The following XRRA1 variants were observed in gnomAD, a reference collection of about 807,000 sequenced individuals.
The protein encoded by XRRA1 is X-ray radiation resistance-associated protein 1.
A neutral mutation model predicts 80.2 loss-of-function variants in XRRA1; 69 were observed. The ratio of observed to expected loss-of-function variants is 0.86; its 90% confidence interval spans 0.71 to 1.05. XRRA1 has a LOEUF of 1.05. XRRA1 is among the 50% of genes least tolerant of loss of function. The pLI is 0.00. For synonymous variants in XRRA1, 348 were observed against 389.9 expected, an observed-to-expected ratio of 0.89 and a Z score of 1.27; for missense variants, 967 against 976.4, an observed-to-expected ratio of 0.99 and a Z score of 0.13.
intron 7 of XRRA1, among the ~76,000 whole-genome samples, chr11:74,925,132 T>G (rs1346081261): frequency 6.6e-6 from 1 of 152,176 alleles, no homozygotes; most frequent in East Asian, 1.9e-4. Flanking sequence ...GCTACAGAAT[T>G]TCAGAGCTGA....
intron 14 of XRRA1, 89 bp downstream of exon 14, chr11:74,850,999 G>T: frequency 1.1e-6 from 1 of 916,448 alleles, no homozygotes; most frequent in Non-Finnish European, 1.6e-6. Flanking sequence ...GCACTGTGGA[G>T]TGAGCAGCTC....
intron 2 of XRRA1, among the ~76,000 whole-genome samples, chr11:74,943,028 G>C (rs1222860488): frequency 6.6e-6 from 1 of 152,194 alleles, no homozygotes; most frequent in East Asian, 1.9e-4. Context: ...CTCCTTCAGG[G>C]ACAGTTGTGA....
intron 10 of XRRA1, among the ~76,000 whole-genome samples, chr11:74,864,739 C>T (rs766281750): frequency 1.3e-4 from 20 of 152,196 alleles, no homozygotes; most frequent in Admixed American, 6.5e-5. Context: ...TGAAAGTTGC[C>T]GTTTTTCTGA....
At chr11:74,882,300 A>C (rs1388257123) in intron 10 of XRRA1, among the ~76,000 whole-genome samples, 1 of 151,564 alleles carries the variant, frequency 6.6e-6, no homozygotes, top group Non-Finnish European at 1.5e-5. Context: ...AGTTGATTGC[A>C]TCGGCTCCTG....
At chr11:74,894,973 A>G (rs766308511) in intron 10 of XRRA1, among the ~76,000 whole-genome samples, 3 of 152,222 alleles carry the variant, frequency 2.0e-5, no homozygotes, top group Non-Finnish European at 4.4e-5. Flanking sequence ...ATTAAAACAA[A>G]TATCAGTAAC....
chr11:74,918,908 G>A (rs1939739996), intron 8 of XRRA1: 1 of 152,274 alleles, frequency 6.6e-6, no homozygotes, highest in Non-Finnish European at 1.5e-5. Flanking sequence ...TTCCAGCCTT[G>A]GTTGAGGCAT....
intron 10 of XRRA1, among the ~76,000 whole-genome samples, chr11:74,867,492 G>A (rs1427028497): frequency 6.6e-6 from 1 of 152,116 alleles, no homozygotes; most frequent in Non-Finnish European, 1.5e-5. Flanking sequence ...CTGAAAGACT[G>A]GCTCTTCAAA....
At chr11:74,871,277 G>A (rs1184455516) in intron 10 of XRRA1, among the ~76,000 whole-genome samples, 1 of 152,142 alleles carries the variant, frequency 6.6e-6, no homozygotes, top group Non-Finnish European at 1.5e-5. Context: ...CAGATGCCGA[G>A]GCTCAGGGAA....
intron 8 of XRRA1, among the ~76,000 whole-genome samples, 172 bp from the exon 9 acceptor site, chr11:74,907,445 A>C (rs543856738): frequency 2.0e-5 from 3 of 152,236 alleles, no homozygotes; most frequent in South Asian, 4.1e-4. Flanking sequence ...TTCCTTCCCC[A>C]CCTTCTCCTT....
intron 10 of XRRA1, among the ~76,000 whole-genome samples, chr11:74,867,935 T>TTTC (rs1245983856): frequency 6.7e-6 from 1 of 150,154 alleles, no homozygotes; most frequent in South Asian, 2.1e-4. Flanking sequence ...TTTTTTTTTT[T>TTTC]TCTGAGACAG....
intron 8 of XRRA1, chr11:74,913,846 C>G (rs944546226): frequency 6.6e-6 from 1 of 152,106 alleles, no homozygotes; most frequent in Non-Finnish European, 1.5e-5. Context: ...TGTTGTTATC[C>G]AGGTATCTGA....
intron 10 of XRRA1, among the ~76,000 whole-genome samples, chr11:74,889,884 C>G (rs142678040): frequency 0.021 from 3,227 of 152,248 alleles, 108 homozygotes; most frequent in African/African-American, 0.074. Context: ...AATACAGGAG[C>G]ACCCAGATTC....
chr11:74,942,438 T>A (rs1946509807), intron 2 of XRRA1, among the ~76,000 whole-genome samples: 1 of 152,092 alleles, frequency 6.6e-6, no homozygotes, highest in African/African-American at 2.4e-5. Flanking sequence ...AGCAGTGAGA[T>A]GGAAGGTAAA....
At position 74,845,137 on chromosome 11, in the gene XRRA1, G is replaced by A; in HGVS notation, c.1863C>T (p.Ser621=). ...RRKLPTAFLP[S]KYHGYEELLT... is the part of the protein sequence containing the mutation. ...GCAGTTCTTCATAGCCGTGGTACTT[G>A]CTGGGAAGGAAGGCAGTTGGGAGTT... Residue 621 remains serine, a synonymous_variant, in exon 16 of 19, where the codon AGC becomes AGT. Coordinates refer to ENST00000684022, the MANE Select transcript of XRRA1 (RefSeq NM_001378157.1). 1.2e-6 allele frequency: 2 copies of A among 1,614,064 alleles called. No homozygotes were observed. The highest frequency in any genetic ancestry group is 2.2e-5 in the East Asian group (1 of 44,876).
intron 3 of XRRA1, among the ~76,000 whole-genome samples, chr11:74,940,295 C>A (rs938133689): frequency 6.6e-6 from 1 of 152,130 alleles, no homozygotes; most frequent in Non-Finnish European, 1.5e-5. Context: ...CATGATCACT[C>A]ATCAAATAAG....
At position 74,852,223 on chromosome 11, in the gene XRRA1, C is replaced by T. The variant is rs2040045372; in HGVS notation, c.1171-141G>A. On this transcript the variant is annotated intron_variant, in intron 12 of 18. Coordinates refer to ENST00000684022, the MANE Select transcript of XRRA1 (RefSeq NM_001378157.1). ...GTAAGACATGCTGCTGTGGATGGGA[C>T]TCACTGCTGGGTGATGCCTTGACCC... 4 of 675,334 alleles carry T rather than the reference C, an allele frequency of 5.9e-6. No individual in the cohort carries two copies. The South Asian group carries it at 7.0e-5, about 12-fold the overall frequency. The allele number at this position is 675,334 out of a possible 1,614,324, so 41.8% of individuals were successfully genotyped here.
At chr11:74,924,653 G>A (rs1941797262) in intron 7 of XRRA1, among the ~76,000 whole-genome samples, 1 of 151,908 alleles carries the variant, frequency 6.6e-6, no homozygotes, top group South Asian at 2.1e-4. Context: ...GGCCAACAAG[G>A]TGAAACCCTT....
intron 10 of XRRA1, among the ~76,000 whole-genome samples, chr11:74,901,645 C>G (rs2053591256): frequency 1.3e-5 from 2 of 152,166 alleles, no homozygotes; most frequent in Non-Finnish European, 2.9e-5. Flanking sequence ...CACACACCTA[C>G]AGTAAACCGA....
intron 6 of XRRA1, among the ~76,000 whole-genome samples, chr11:74,930,063 G>A (rs943985471): frequency 2.0e-5 from 3 of 152,110 alleles, no homozygotes; most frequent in African/African-American, 7.2e-5. Context: ...AAAAAAGAAG[G>A]GAATTATCTC....
Sources: allele counts gnomAD v4.1 joint callset (sites outside exome capture counted in the v4.1 genomes callset), GRCh38; gene constraint gnomAD v4.1.1; transcripts MANE v1.5; gene names NCBI Gene and HGNC (gene_info 2026-07-23, HGNC 2026-07-21).